The following SPACA1 variants were observed in gnomAD, a reference collection of about 807,000 sequenced individuals.
The protein encoded by SPACA1 is sperm acrosome membrane-associated protein 1.
Under a neutral mutation model 32.6 loss-of-function variants are expected in SPACA1, and 17 were observed. The observed-to-expected ratio is 0.52, with a 90% CI of 0.36 to 0.78. The LOEUF (loss-of-function observed/expected upper bound fraction) is 0.78, where lower values mean the gene tolerates loss of function less well. Among genes scored for constraint, SPACA1 ranks in the 30% least tolerant of loss-of-function variants. The probability of loss-of-function intolerance (pLI) is 0.01; values close to 1 mark genes in which losing one functional copy is unlikely to be tolerated. For synonymous variants in SPACA1, 140 were observed against 138.1 expected (o/e 1.01, Z -0.10); for missense variants, 363 against 373.4 (o/e 0.97, Z 0.23).
intron 2 of SPACA1, among the ~76,000 whole-genome samples, chr6:88,056,311 G>A (rs182734644): frequency 7.3e-4 from 111 of 152,042 alleles, no homozygotes; most frequent in African/African-American, 2.6e-3. Context: ...CTGAGATCGC[G>A]CCACTGCACT....
chr6:88,050,931 CA>C (rs1271403117), intron 1 of SPACA1, among the ~76,000 whole-genome samples: 3 of 152,262 alleles, frequency 2.0e-5, no homozygotes, highest in Non-Finnish European at 2.9e-5. Context: ...GGGCAGATCA[CA>C]AGGTGGAGAT....
At chr6:88,060,650 G>A (rs1391503014) in intron 5 of SPACA1, among the ~76,000 whole-genome samples, 1 of 152,136 alleles carries the variant, frequency 6.6e-6, no homozygotes, top group Non-Finnish European at 1.5e-5. Flanking sequence ...GGGATATCAG[G>A]TGTCGTTAAA....
At chr6:88,059,363 A>T in intron 4 of SPACA1, 90 bp from the exon 5 acceptor site, 1 of 1,168,378 alleles carries the variant, frequency 8.6e-7, no homozygotes, top group Non-Finnish European at 1.2e-6. Flanking sequence ...GAGAGACAGT[A>T]ACCCTCCTTT....
chr6:88,059,993 A>C (rs1321584777), intron 5 of SPACA1, among the ~76,000 whole-genome samples: 2 of 152,230 alleles, frequency 1.3e-5, no homozygotes. Context: ...ATGGATGCTT[A>C]TGAAAATTTT....
At position 88,066,577 on chromosome 6, in the gene SPACA1, G is replaced by C; in HGVS notation, c.*242G>C. ...AATAGCTTGGGGATATTTATCTAAA[G>C]GTACCCCCAACAAATCTTCTAAGTG... On this transcript the variant is annotated 3_prime_UTR_variant, in exon 7 of 7. Transcript: ENST00000237201. 3.9e-6 allele frequency: 1 copy of C among 256,924 alleles called. No individual in the cohort carries two copies. Among genetic ancestry groups the C allele is most frequent in the Middle Eastern group, 1.2e-3 (1 of 826 alleles). The allele number at this position is 256,924 out of a possible 1,614,324, so 15.9% of individuals were successfully genotyped here. A position where few individuals can be genotyped will look rare whatever the true frequency, so the allele number is the denominator to read the frequency against.
chr6:88,058,892 CT>C, intron 4 of SPACA1, 70 bp downstream of exon 4: 3 of 1,008,748 alleles, frequency 3.0e-6, no homozygotes, highest in Non-Finnish European at 4.3e-6. Flanking sequence ...GTTCTGATGG[CT>C]TTCAGAAAAC....
At position 88,056,326 on chromosome 6, in the gene SPACA1, C is replaced by G. The variant is rs555620647; in HGVS notation, c.266-1286C>G. 3.2e-4 allele frequency among the ~76,000 whole-genome samples: 49 copies of G among 152,348 alleles called. No individual in the cohort carries two copies. In the South Asian group the frequency reaches 9.7e-3, roughly 30 times the overall value. ...CTGAGATCGCGCCACTGCACTCTAGCCTCTGCAACAGAGCAAGACTCCGTC... is the reference window on the plus strand; with the variant it reads ...CTGAGATCGCGCCACTGCACTCTAGGCTCTGCAACAGAGCAAGACTCCGTC... On this transcript the variant is annotated intron_variant, in intron 2 of 6. Transcript: ENST00000237201.
intron 6 of SPACA1, among the ~76,000 whole-genome samples, chr6:88,065,397 C>T (rs1775966924): frequency 6.8e-6 from 1 of 146,796 alleles, no homozygotes; most frequent in South Asian, 2.1e-4. Flanking sequence ...TACATATGAC[C>T]TGTATACAGT....
intron 6 of SPACA1, 77 bp from the exon 7 acceptor site, chr6:88,066,105 A>G: frequency 8.5e-7 from 1 of 1,171,992 alleles, no homozygotes. Context: ...ATATTTCTAT[A>G]CATAGAAAAT....
At chr6:88,062,974 C>T (rs1775918924) in intron 5 of SPACA1, among the ~76,000 whole-genome samples, 1 of 152,128 alleles carries the variant, frequency 6.6e-6, no homozygotes, top group Non-Finnish European at 1.5e-5. Flanking sequence ...GTTTCTTAGA[C>T]ATAATTCAGA....
chr6:88,062,908 A>T (rs908443981), intron 5 of SPACA1, among the ~76,000 whole-genome samples: 1 of 152,204 alleles, frequency 6.6e-6, no homozygotes, highest in African/African-American at 2.4e-5. Flanking sequence ...CTAAACCCAT[A>T]AAGTTTTAGG....
At position 88,066,484 on chromosome 6, in the gene SPACA1, A is replaced by T; in HGVS notation, c.*149A>T. 1 of 597,034 alleles carries T rather than the reference A, an allele frequency of 1.7e-6. No homozygotes were observed. Among genetic ancestry groups the T allele is most frequent in the South Asian group, 5.2e-5 (1 of 19,368 alleles). The allele number at this position is 597,034 out of a possible 1,614,324, so 37.0% of individuals were successfully genotyped here. The stretch of plus-strand genomic sequence containing the variant: ...TGCAGTGTGGGGATAGGACTATTTT[A>T]TCAGTGCATTTTTCCAGTACAGTTA... On this transcript the variant is annotated 3_prime_UTR_variant, in exon 7 of 7. Coordinates refer to ENST00000237201, the MANE Select transcript of SPACA1 (RefSeq NM_030960.3).
intron 2 of SPACA1, among the ~76,000 whole-genome samples, chr6:88,055,969 AAAAAC>A (rs376551692): frequency 1.5e-3 from 227 of 152,152 alleles, no homozygotes; most frequent in African/African-American, 5.1e-3. Context: ...ACTCCATCTC[AAAAAC>A]AAAACAAAAC....
chr6:88,066,154 T>A (rs2127803031), intron 6 of SPACA1, 28 bp from the exon 7 acceptor site: 1 of 1,537,016 alleles, frequency 6.5e-7, no homozygotes, highest in Non-Finnish European at 8.7e-7. Flanking sequence ...CTTCATATGG[T>A]GGTTTTGGTT....
intron 6 of SPACA1, 63 bp from the exon 7 acceptor site, chr6:88,066,119 G>A: frequency 7.5e-7 from 1 of 1,338,784 alleles, no homozygotes; most frequent in Non-Finnish European, 1.0e-6. Flanking sequence ...AGAAAATATA[G>A]AAATCTATTC....
chr6:88,047,698 C>A (rs375689313), upstream of SPACA1: 2 of 539,584 alleles, frequency 3.7e-6, no homozygotes, highest in East Asian at 6.2e-5. Context: ...CGTCGCGTTC[C>A]GTCTTGCACG....
chr6:88,057,078 A>G (rs1775820850), intron 2 of SPACA1, among the ~76,000 whole-genome samples: 2 of 152,196 alleles, frequency 1.3e-5, no homozygotes, highest in Non-Finnish European at 2.9e-5. Context: ...AGTTTGGGAA[A>G]TATTGTATAC....
chr6:88,062,689 C>T (rs1775914695), intron 5 of SPACA1, among the ~76,000 whole-genome samples: 1 of 151,992 alleles, frequency 6.6e-6, no homozygotes, highest in South Asian at 2.1e-4. Flanking sequence ...TGGTGTGTGC[C>T]TATAATACTA....
Position 88,047,940 on chromosome 6 carries a change from T to C in SPACA1, c.35T>C (p.Leu12Pro), listed in dbSNP as rs774874210. 2 of 1,567,442 alleles carry C rather than the reference T, an allele frequency of 1.3e-6. No homozygotes were observed. Among genetic ancestry groups the C allele is most frequent in the East Asian group, 4.7e-5 (2 of 42,840 alleles). ...SPRGTGCSAG[L>P]LMTVGWLLLA... ...AGGGGCACGGGCTGCTCCGCCGGGCTGCTGATGACTGTCGGCTGGCTGCTT... is the reference window on the plus strand; with the variant it reads ...AGGGGCACGGGCTGCTCCGCCGGGCCGCTGATGACTGTCGGCTGGCTGCTT... The change falls in exon 1 of 7, where the codon CTG becomes CCG. Residue 12 changes from leucine to proline, a missense_variant. Transcript: ENST00000237201.
Sources: gnomAD v4.1 joint callset for allele counts (sites outside exome capture counted in the v4.1 genomes callset) on GRCh38, gnomAD v4.1.1 for gene constraint, MANE v1.5 for transcripts, NCBI Gene and HGNC (gene_info 2026-07-23, HGNC 2026-07-21) for gene names.